CCT7: variants seen among roughly 807,000 people sequenced by gnomAD.
CCT7 encodes T-complex protein 1 subunit eta.
Under a neutral mutation model 56.6 loss-of-function variants are expected in CCT7, and 16 were observed. The ratio of observed to expected loss-of-function variants is 0.28; its 90% confidence interval spans 0.19 to 0.43. The LOEUF (loss-of-function observed/expected upper bound fraction) is 0.43, where lower values mean the gene tolerates loss of function less well. CCT7 is among the 20% of genes least tolerant of loss of function. The probability of loss-of-function intolerance (pLI) is 1.00; values close to 1 mark genes in which losing one functional copy is unlikely to be tolerated. For synonymous variants in CCT7, 262 were observed against 254.8 expected (o/e 1.03, Z -0.27); for missense variants, 519 against 685.6 (o/e 0.76, Z 2.71).
intron 3 of CCT7, among the ~76,000 whole-genome samples, chr2:73,242,481 T>C (rs1177771174): frequency 6.6e-6 from 1 of 152,114 alleles, no homozygotes; most frequent in African/African-American, 2.4e-5. Context: ...GGTTTCACCG[T>C]GTTGTCCAGG....
chr2:73,248,043 G>A (rs1352757309), intron 7 of CCT7, 117 bp downstream of exon 7: 2 of 863,344 alleles, frequency 2.3e-6, no homozygotes, highest in Non-Finnish European at 3.6e-6. Flanking sequence ...GAATATTGAT[G>A]TCTAAGTACT....
intron 6 of CCT7, among the ~76,000 whole-genome samples, chr2:73,245,524 A>G (rs900255687): frequency 6.6e-6 from 1 of 152,234 alleles, no homozygotes; most frequent in Non-Finnish European, 1.5e-5. Context: ...AAATGGCAAC[A>G]TGTAGCTAGT....
Position 73,234,356 on chromosome 2 carries a change from G to C in CCT7, c.-23G>C, listed in dbSNP as rs369058572. On this transcript the variant is annotated 5_prime_UTR_variant, in exon 1 of 12. Coordinates refer to ENST00000258091, the MANE Select transcript of CCT7 (RefSeq NM_006429.4). ...GTCTCGGAGAAGAGGGGAGAGTGGC[G>C]GGCCGCTGAATAAGCTTCCAAAATG... 6.2e-6 allele frequency: 10 copies of C among 1,613,466 alleles called. No homozygotes were observed. The African/African-American group carries it at 8.0e-5, about 13-fold the overall frequency.
chr2:73,250,002 A>G (rs188619740), intron 9 of CCT7, 86 bp downstream of exon 9: 7 of 944,782 alleles, frequency 7.4e-6, no homozygotes, highest in East Asian at 4.8e-5. Context: ...AGCTTTTACA[A>G]AGTCTCACCT....
At chr2:73,242,829 A>G in intron 3 of CCT7, 175 bp from the exon 4 acceptor site, 1 of 680,526 alleles carries the variant, frequency 1.5e-6, no homozygotes, top group Non-Finnish European at 2.5e-6. Context: ...CATGATGGAT[A>G]TGTAACTACC....
At chr2:73,250,019 A>G (rs1354118587) in intron 9 of CCT7, 103 bp downstream of exon 9, 34 of 853,690 alleles carry the variant, frequency 4.0e-5, no homozygotes, top group South Asian at 2.1e-4. Flanking sequence ...ACCTTTGTGT[A>G]CAAAGTGGTA....
In CCT7 at chr2:73,252,770, T is replaced by C. The variant is rs1041723602; in HGVS notation, c.1541T>C (p.Val514Ala). 3 of 1,614,030 alleles carry C rather than the reference T, an allele frequency of 1.9e-6. No homozygotes were observed. The African/African-American group carries it at 4.0e-5, about 22-fold the overall frequency. The change falls in exon 12 of 12, where the codon GTG (valine) becomes GCG (alanine). Residue 514 changes from valine to alanine, a missense_variant. Coordinates refer to ENST00000258091, the MANE Select transcript of CCT7 (RefSeq NM_006429.4). ...TAASEAACLI[V>A]SVDETIKNPR... Reference sequence around the variant, plus strand: ...GCCTCTGAGGCTGCGTGCCTGATCGTGTCTGTAGATGAAACCATCAAGAAC... The same window carrying C: ...GCCTCTGAGGCTGCGTGCCTGATCGCGTCTGTAGATGAAACCATCAAGAAC...
intron 1 of CCT7, among the ~76,000 whole-genome samples, chr2:73,238,037 A>T (rs905942610): frequency 2.0e-5 from 3 of 152,184 alleles, no homozygotes; most frequent in South Asian, 2.1e-4. Flanking sequence ...AATATATATT[A>T]AAAAATGAAT....
At chr2:73,243,292 T>C in intron 4 of CCT7, 163 bp downstream of exon 4, 1 of 719,922 alleles carries the variant, frequency 1.4e-6, no homozygotes, top group East Asian at 2.6e-5. Context: ...CTGTAGCCAT[T>C]TGATGAGGTG....
chr2:73,234,809 G>C (rs1161947076), intron 1 of CCT7, among the ~76,000 whole-genome samples: 3 of 152,190 alleles, frequency 2.0e-5, no homozygotes, highest in Non-Finnish European at 4.4e-5. Context: ...TCTTGGAACC[G>C]GCACAGGCAC....
At chr2:73,237,847 G>C (rs1686945311) in intron 1 of CCT7, among the ~76,000 whole-genome samples, 1 of 152,172 alleles carries the variant, frequency 6.6e-6, no homozygotes. Flanking sequence ...AGGGTTGTTA[G>C]AGGCCAGGAG....
chr2:73,238,470 C>G (rs1414889268), intron 1 of CCT7, among the ~76,000 whole-genome samples: 1 of 152,228 alleles, frequency 6.6e-6, no homozygotes, highest in African/African-American at 2.4e-5. Flanking sequence ...GGCAGGAATT[C>G]CTCACTCCTC....
At chr2:73,250,263 G>A (rs1687519550) in intron 9 of CCT7, 43 bp from the exon 10 acceptor site, 1 of 1,610,574 alleles carries the variant, frequency 6.2e-7, no homozygotes, top group South Asian at 1.1e-5. Flanking sequence ...TAGGATGGTG[G>A]CAGACAAGAG....
chr2:73,248,650 C>T (rs557799599), intron 7 of CCT7, among the ~76,000 whole-genome samples: 71 of 152,244 alleles, frequency 4.7e-4, no homozygotes, highest in Non-Finnish European at 8.4e-4. Flanking sequence ...CCACTGTGCC[C>T]GGCCAAAGGG....
chr2:73,234,891 G>C (rs1686801663), intron 1 of CCT7, among the ~76,000 whole-genome samples: 1 of 152,234 alleles, frequency 6.6e-6, no homozygotes, highest in Non-Finnish European at 1.5e-5. Context: ...GCAGCGTGCA[G>C]AGAAGCAGAC....
At chr2:73,241,162 TAATA>T (rs1299803855) in intron 3 of CCT7, among the ~76,000 whole-genome samples, 2 of 152,106 alleles carry the variant, frequency 1.3e-5, no homozygotes, top group African/African-American at 4.8e-5. Flanking sequence ...ACTGGAGTAT[TAATA>T]AATGTGTTGA....
rs201961918 is a variant in CCT7 at position 73,240,508 on chromosome 2, A to G, written c.232A>G (p.Thr78Ala). The stretch of plus-strand genomic sequence containing the variant: ...TGATGTTGTCCATCCTGCAGCAAAG[A>G]CTTTGGTAGACATTGCCAAATCCCA... Reference protein sequence around the residue: ...LLDVVHPAAKTLVDIAKSQDA... With the variant: ...LLDVVHPAAKALVDIAKSQDA... The change falls in exon 3 of 12, where the codon ACT (threonine) becomes GCT (alanine). Residue 78 changes from threonine (T) to alanine (A), a missense_variant. Physicochemically the swap from Thr to Ala is moderately conservative, Grantham distance 58. Coordinates refer to ENST00000258091, the MANE Select transcript of CCT7 (RefSeq NM_006429.4). 1 of 1,610,446 alleles carries G rather than the reference A, an allele frequency of 6.2e-7. No homozygotes were observed.
At position 73,234,364 on chromosome 2, in the gene CCT7, G is replaced by A. The variant is rs1044722756; in HGVS notation, c.-15G>A. ...GAAGAGGGGAGAGTGGCGGGCCGCT[G>A]AATAAGCTTCCAAAATGATGGTGAG... On this transcript the variant is annotated 5_prime_UTR_variant, in exon 1 of 12. Transcript: ENST00000258091. 7.4e-6 allele frequency: 12 copies of A among 1,613,348 alleles called. No homozygotes were observed. The highest frequency in any genetic ancestry group is 1.0e-5 in the Non-Finnish European group (12 of 1,179,970).
At chr2:73,250,042 A>G in intron 9 of CCT7, 126 bp downstream of exon 9, 1 of 769,230 alleles carries the variant, frequency 1.3e-6, no homozygotes, top group Admixed American at 2.0e-5. Flanking sequence ...CAGCTTTTAC[A>G]GAGTCTCACC....
Sources: allele counts gnomAD v4.1 joint callset (sites outside exome capture counted in the v4.1 genomes callset), GRCh38; gene constraint gnomAD v4.1.1; transcripts MANE v1.5; gene names NCBI Gene and HGNC (gene_info 2026-07-23, HGNC 2026-07-21).